The following TEAD4 variants were observed in gnomAD, a reference collection of about 807,000 sequenced individuals.
TEAD4 encodes the protein TEA domain transcription factor 4.
In TEAD4, 36 loss-of-function variants were observed where a neutral mutation model predicts 52.4. That is an observed-to-expected ratio of 0.69 (90% CI 0.53 to 0.91). The LOEUF (loss-of-function observed/expected upper bound fraction) is 0.91, where lower values mean the gene tolerates loss of function less well. Among genes scored for constraint, TEAD4 ranks in the 40% least tolerant of loss-of-function variants. The probability of loss-of-function intolerance (pLI) is 0.00; values close to 1 mark genes in which losing one functional copy is unlikely to be tolerated. For synonymous variants in TEAD4, 220 were observed against 231.0 expected (o/e 0.95, Z 0.43); for missense variants, 508 against 583.9 (o/e 0.87, Z 1.34).
chr12:3,033,157 A>T (rs1440563407), intron 10 of TEAD4, among the ~76,000 whole-genome samples: 1 of 152,046 alleles, frequency 6.6e-6, no homozygotes, highest in Non-Finnish European at 1.5e-5. Flanking sequence ...GAGTGGGAGG[A>T]GGACTTGTCC....
chr12:2,982,591 C>T (rs1375920315), intron 2 of TEAD4, among the ~76,000 whole-genome samples: 1 of 152,168 alleles, frequency 6.6e-6, no homozygotes, highest in Admixed American at 6.5e-5. Context: ...GGGAGGTTTG[C>T]CTGGTGGCAG....
At position 2,977,973 on chromosome 12, in the gene TEAD4, A is replaced by T. The variant is rs568227926; in HGVS notation, c.-29-16765A>T. Among the ~76,000 whole-genome samples the T allele has an allele frequency of 4.6e-5, 7 of 152,240 alleles. No homozygotes were observed. The East Asian group carries it at 1.4e-3, about 29-fold the overall frequency. ...TACACAGCCTGGCCCGGCCCAGCCC[A>T]ACCAAATCCATTTCTCTGCTGGGTT... On this transcript the variant is annotated intron_variant, in intron 2 of 12. Transcript: ENST00000359864.
intron 3 of TEAD4, 138 bp downstream of exon 3, chr12:2,995,130 C>G: frequency 8.7e-7 from 1 of 1,147,162 alleles, no homozygotes. Context: ...TTCTTCCCTC[C>G]TGGGCTCCCA....
intron 3 of TEAD4, among the ~76,000 whole-genome samples, chr12:3,006,850 A>C (rs2098256325): frequency 6.6e-6 from 1 of 151,444 alleles, no homozygotes; most frequent in African/African-American, 2.4e-5. Context: ...ACATGGTAAA[A>C]CCTGTCTCTA....
rs1477887716 is a variant in TEAD4, at chr12:2,959,481, G to A, written c.-123G>A. ...GCTCCGGCGCCGCCGCGTCCCGCCAGGTGAGAGGCGCCCGCGCCCGCCGCA... is the reference window on the plus strand; with the variant it reads ...GCTCCGGCGCCGCCGCGTCCCGCCAAGTGAGAGGCGCCCGCGCCCGCCGCA... On this transcript the variant is annotated splice_region_variant and 5_prime_UTR_variant, in exon 1 of 13. Transcript: ENST00000359864. The surrounding 1 kb of genome is among the most constrained non-coding windows in gnomAD (Gnocchi z 5.1). 2 of 146,848 alleles carry A rather than the reference G, an allele frequency of 1.4e-5. No homozygotes were observed. The highest frequency in any genetic ancestry group is 2.5e-5 in the African/African-American group (1 of 40,792). 9.1% of individuals were successfully genotyped at this position (146,848 alleles called of 1,614,324 possible).
intron 2 of TEAD4, among the ~76,000 whole-genome samples, chr12:2,973,763 C>G (rs999213695): frequency 2.6e-5 from 4 of 152,184 alleles, no homozygotes. Flanking sequence ...CTGGCCCCAT[C>G]CAGAAAAACA....
At chr12:2,988,058 ACTCCAT>A (rs1271459603) in intron 2 of TEAD4, among the ~76,000 whole-genome samples, 1 of 151,258 alleles carries the variant, frequency 6.6e-6, no homozygotes, top group African/African-American at 2.4e-5. Context: ...ACAGAACAAG[ACTCCAT>A]CTCAAAAAAA....
chr12:2,983,935 T>C (rs2098236039), intron 2 of TEAD4, among the ~76,000 whole-genome samples: 1 of 152,076 alleles, frequency 6.6e-6, no homozygotes, highest in Non-Finnish European at 1.5e-5. Context: ...GGGGGCTGGA[T>C]ATGGAAATGC....
At chr12:3,024,630 C>T (rs1026271372) in intron 10 of TEAD4, among the ~76,000 whole-genome samples, 5 of 151,858 alleles carry the variant, frequency 3.3e-5, no homozygotes, top group African/African-American at 7.3e-5. Flanking sequence ...GCATTCCAGC[C>T]GGGTGACAGA....
In TEAD4 at chr12:2,984,026, G is replaced by C. The variant is rs552056925; in HGVS notation, c.-29-10712G>C. On this transcript the variant is annotated intron_variant, in intron 2 of 12. Coordinates refer to ENST00000359864, the MANE Select transcript of TEAD4 (RefSeq NM_003213.4). ...CTTAAGGCTGAGCAAGAGTTGGTCC[G>C]GTGAACAAGGAATGGAAGGGAAGTT... is the stretch of plus-strand genomic sequence containing the variant. Among the ~76,000 whole-genome samples, 3 of 152,290 alleles carry C rather than the reference G, an allele frequency of 2.0e-5. No individual in the cohort carries two copies. In the South Asian group the frequency reaches 6.2e-4, roughly 32 times the overall value.
intron 2 of TEAD4, among the ~76,000 whole-genome samples, chr12:2,965,804 A>G (rs1229959163): frequency 1.3e-5 from 2 of 152,138 alleles, no homozygotes; most frequent in African/African-American, 2.4e-5. Flanking sequence ...TCGGCCTCCC[A>G]AAGTGCTGGG....
chr12:2,964,115 C>CCTTTGG (rs2098218181), intron 2 of TEAD4, among the ~76,000 whole-genome samples: 2 of 152,158 alleles, frequency 1.3e-5, no homozygotes, highest in African/African-American at 2.4e-5. Context: ...GGCCCTCCTC[C>CCTTTGG]AAAGGGGGCC....
intron 2 of TEAD4, among the ~76,000 whole-genome samples, chr12:2,973,801 C>G (rs2098227187): frequency 6.6e-6 from 1 of 152,186 alleles, no homozygotes; most frequent in African/African-American, 2.4e-5. Context: ...TGCATTTCAA[C>G]CACTTCCATG....
intron 5 of TEAD4, chr12:3,017,138 CAG>C (rs1207178574): frequency 3.1e-6 from 2 of 640,596 alleles, no homozygotes; most frequent in Non-Finnish European, 5.8e-6. Flanking sequence ...AATAAAATGA[CAG>C]ATAATGTCTC....
At chr12:3,029,535 G>T (rs555273654) in intron 10 of TEAD4, among the ~76,000 whole-genome samples, 1 of 152,182 alleles carries the variant, frequency 6.6e-6, no homozygotes, top group South Asian at 2.1e-4. Flanking sequence ...ACCGCGCCCG[G>T]CCCAAGTTTT....
intron 10 of TEAD4, among the ~76,000 whole-genome samples, chr12:3,035,832 AAAAAAAG>A (rs1337935577): frequency 6.6e-6 from 1 of 150,708 alleles, no homozygotes; most frequent in Non-Finnish European, 1.5e-5. Flanking sequence ...ACAAAAAAAA[AAAAAAAG>A]AAGAAGAAGA....
In TEAD4 at chr12:3,040,345, T is replaced by C; in HGVS notation, c.1192-20T>C. ...CCCCTTCTGGGGCCTTATTAACCCTTGTCTTTTTCTCTCCCACAGGTGGTC... is the reference window on the plus strand; with the variant it reads ...CCCCTTCTGGGGCCTTATTAACCCTCGTCTTTTTCTCTCCCACAGGTGGTC... On this transcript the variant is annotated intron_variant, in intron 12 of 12. Transcript: ENST00000359864. The C allele has an allele frequency of 1.2e-6, 2 of 1,614,146 alleles. No homozygotes were observed. Among genetic ancestry groups the C allele is most frequent in the Non-Finnish European group, 1.7e-6 (2 of 1,180,000 alleles).
intron 8 of TEAD4, among the ~76,000 whole-genome samples, chr12:3,020,114 G>T (rs534838355): frequency 3.3e-5 from 5 of 152,300 alleles, no homozygotes; most frequent in African/African-American, 1.2e-4. Flanking sequence ...AACTACAGTA[G>T]GACTGGAGTA....
chr12:3,026,362 A>G (rs1269582239), intron 10 of TEAD4, among the ~76,000 whole-genome samples: 1 of 152,236 alleles, frequency 6.6e-6, no homozygotes, highest in African/African-American at 2.4e-5. Flanking sequence ...ACAGTGGCAT[A>G]AATAGTTTTT....
Sources: gnomAD v4.1 joint callset for allele counts (sites outside exome capture counted in the v4.1 genomes callset) on GRCh38, gnomAD v4.1.1 for gene constraint, Gnocchi (gnomAD v3.1) non-coding constraint, MANE v1.5 for transcripts, NCBI Gene and HGNC (gene_info 2026-07-23, HGNC 2026-07-21) for gene names.